CHD6: variants seen among roughly 807,000 people sequenced by gnomAD.
The protein encoded by CHD6 is ATP-dependent chromatin remodeler CHD6.
Under a neutral mutation model 276.9 loss-of-function variants are expected in CHD6, and 50 were observed. The observed-to-expected ratio is 0.18, with a 90% confidence interval of 0.14 to 0.23. The LOEUF is 0.23. CHD6 is among the 10% of genes least tolerant of loss of function. The pLI is 1.00. For synonymous variants in CHD6, 1,173 were observed against 1,229.3 expected, an observed-to-expected ratio of 0.95 and a Z score of 0.96; for missense variants, 2,564 against 3,365.8, an observed-to-expected ratio of 0.76 and a Z score of 5.89.
Position 41,475,692 on chromosome 20 carries a change from C to T in CHD6, c.2469-2175G>A, listed in dbSNP as rs543273808. On this transcript the variant is annotated intron_variant, in intron 16 of 36. Coordinates refer to ENST00000373233, the MANE Select transcript of CHD6 (RefSeq NM_032221.5). Reference sequence around the variant, plus strand: ...CCCTCTACCCTCCACCACCAACACACATATGAATGATTAATGCTGCAGGAA... The same window carrying T: ...CCCTCTACCCTCCACCACCAACACATATATGAATGATTAATGCTGCAGGAA... Among the ~76,000 whole-genome samples the T allele has an allele frequency of 6.6e-5, 10 of 152,198 alleles. No individual in the cohort carries two copies. In the South Asian group the frequency reaches 1.9e-3, roughly 28 times the overall value.
intron 1 of CHD6, among the ~76,000 whole-genome samples, chr20:41,617,817 C>G (rs1252336148): frequency 6.6e-6 from 1 of 151,824 alleles, no homozygotes; most frequent in Non-Finnish European, 1.5e-5. Flanking sequence ...CCAGCCCACC[C>G]TCCTCCACCC....
chr20:41,517,663 A>G (rs148681080), intron 3 of CHD6, among the ~76,000 whole-genome samples: 48 of 152,378 alleles, frequency 3.2e-4, no homozygotes, highest in African/African-American at 1.1e-3. Context: ...GTGGCTCCTC[A>G]TTAAGAAAAC....
chr20:41,536,669 A>C (rs1003659388), intron 2 of CHD6, among the ~76,000 whole-genome samples: 1 of 152,210 alleles, frequency 6.6e-6, no homozygotes, highest in African/African-American at 2.4e-5. Flanking sequence ...ATATGCTAAA[A>C]CTCAGGCAAC....
intron 23 of CHD6, among the ~76,000 whole-genome samples, chr20:41,449,362 G>C (rs955680372): frequency 2.0e-5 from 3 of 152,236 alleles, no homozygotes; most frequent in Admixed American, 6.5e-5. Flanking sequence ...AGCTCAATTA[G>C]AGTAGGGCTT....
Position 41,425,376 on chromosome 20 carries a change from G to A in CHD6, c.4148C>T (p.Pro1383Leu). The A allele has an allele frequency of 6.2e-7, 1 of 1,613,950 alleles. No individual in the cohort carries two copies. The highest frequency in any genetic ancestry group is 1.1e-5 in the South Asian group (1 of 91,054). Residue 1383 changes from proline (P) to leucine (L), a missense_variant, in exon 29 of 37, where the codon CCA becomes CTA. Physicochemically the swap from Pro to Leu is moderately conservative, Grantham distance 98. Coordinates refer to ENST00000373233, the MANE Select transcript of CHD6 (RefSeq NM_032221.5). ...DSRAAQDGSD[P>L]DKSPWPVSSA... ...GGAAACTGGCCAGGGCGATTTGTCTGGGTCGGAGCCATCCTGGGCTTCAAA... is the reference window on the plus strand; with the variant it reads ...GGAAACTGGCCAGGGCGATTTGTCTAGGTCGGAGCCATCCTGGGCTTCAAA...
intron 1 of CHD6, among the ~76,000 whole-genome samples, chr20:41,584,125 T>C (rs2045568340): frequency 6.6e-6 from 1 of 152,052 alleles, no homozygotes; most frequent in South Asian, 2.1e-4. Context: ...TTTAAAAACA[T>C]AGATAGGTTA....
intron 17 of CHD6, among the ~76,000 whole-genome samples, chr20:41,472,302 GAGA>G (rs1014327902): frequency 1.3e-5 from 2 of 151,848 alleles, no homozygotes; most frequent in African/African-American, 4.8e-5. Context: ...TGGGTGGGTA[GAGA>G]AGAAGCCCAG....
intron 27 of CHD6, among the ~76,000 whole-genome samples, chr20:41,433,823 AG>A (rs1798830841): frequency 6.6e-6 from 1 of 152,214 alleles, no homozygotes; most frequent in African/African-American, 2.4e-5. Flanking sequence ...AAGAGGGTAA[AG>A]GAACAAAAAT....
intron 3 of CHD6, among the ~76,000 whole-genome samples, chr20:41,523,650 GTTT>G (rs200892102): frequency 7.1e-6 from 1 of 141,190 alleles, no homozygotes; most frequent in South Asian, 2.2e-4. Flanking sequence ...TTTGTTTTTT[GTTT>G]TTTTTTTTGC....
chr20:41,464,765 G>C (rs965068416), intron 17 of CHD6, among the ~76,000 whole-genome samples: 1 of 152,186 alleles, frequency 6.6e-6, no homozygotes, highest in Non-Finnish European at 1.5e-5. Context: ...TCTAAATGCT[G>C]TTCTCAAGTA....
At chr20:41,593,300 G>A (rs1026287968) in intron 1 of CHD6, among the ~76,000 whole-genome samples, 1 of 151,790 alleles carries the variant, frequency 6.6e-6, no homozygotes, top group African/African-American at 2.4e-5. Flanking sequence ...CCCTTGTGAT[G>A]CTCACATGGC....
At chr20:41,511,730 C>T (rs1287221216) in intron 5 of CHD6, among the ~76,000 whole-genome samples, 3 of 152,172 alleles carry the variant, frequency 2.0e-5, no homozygotes, top group Non-Finnish European at 1.5e-5. Context: ...ATATCACAGC[C>T]TGCGGTGCCA....
chr20:41,453,676 G>A (rs1399407799), intron 20 of CHD6, among the ~76,000 whole-genome samples: 1 of 152,146 alleles, frequency 6.6e-6, no homozygotes, highest in South Asian at 2.1e-4. Context: ...CTTCTGCCTG[G>A]CTACAGGGCC....
Position 41,514,898 on chromosome 20 carries a change from A to G in CHD6, c.609T>C (p.Ser203=). 6.2e-7 allele frequency: 1 copy of G among 1,614,000 alleles called. No homozygotes were observed. Among genetic ancestry groups the G allele is most frequent in the South Asian group, 1.1e-5 (1 of 91,078 alleles). Residue 203 remains serine, a synonymous_variant, in exon 4 of 37, where the codon AGT becomes AGC. Transcript: ENST00000373233. ...VEKKKKGKRK[S]ETTVESLELD... The stretch of plus-strand genomic sequence containing the variant: ...GCTCTAAACTCTCCACTGTAGTTTC[A>G]CTTTTCCTTTTTCCTTTCTTCTTTT...
intron 11 of CHD6, among the ~76,000 whole-genome samples, chr20:41,490,364 G>A (rs2043520129): frequency 6.6e-6 from 1 of 152,166 alleles, no homozygotes; most frequent in South Asian, 2.1e-4. Context: ...AGGCTATGTG[G>A]TATATAGCCT....
At chr20:41,493,097 A>C (rs1263795915) in intron 10 of CHD6, among the ~76,000 whole-genome samples, 1 of 152,192 alleles carries the variant, frequency 6.6e-6, no homozygotes, top group Non-Finnish European at 1.5e-5. Context: ...TGGGAGTCAC[A>C]GGGATCTGCA....
At chr20:41,525,142 A>C (rs2146028008) in intron 3 of CHD6, among the ~76,000 whole-genome samples, 1 of 152,302 alleles carries the variant, frequency 6.6e-6, no homozygotes, top group Non-Finnish European at 1.5e-5. Flanking sequence ...GACACCGTAC[A>C]CATGGCAAGA....
At chr20:41,405,682 G>T (rs1210945167) in intron 36 of CHD6, among the ~76,000 whole-genome samples, 193 bp from the exon 37 acceptor site, 3 of 152,218 alleles carry the variant, frequency 2.0e-5, no homozygotes, top group Non-Finnish European at 4.4e-5. Context: ...TCCCTCAGCA[G>T]CTGAGAACAT....
At chr20:41,406,402 G>T (rs555174936) in intron 36 of CHD6, among the ~76,000 whole-genome samples, 97 of 152,348 alleles carry the variant, frequency 6.4e-4, no homozygotes, top group Non-Finnish European at 1.1e-3. Context: ...ATCTGCACTG[G>T]ACATTCCCAT....
Sources: allele counts gnomAD v4.1 joint callset (sites outside exome capture counted in the v4.1 genomes callset), GRCh38; gene constraint gnomAD v4.1.1; transcripts MANE v1.5; gene names NCBI Gene and HGNC (gene_info 2026-07-23, HGNC 2026-07-21).